Variants in BMPR1B observed in about 807,000 individuals in gnomAD.
BMPR1B encodes bone morphogenetic protein receptor type 1B.
Under a neutral mutation model 59.1 loss-of-function variants are expected in BMPR1B, and 12 were observed. The ratio of observed to expected loss-of-function variants is 0.20; its 90% CI spans 0.13 to 0.33. The LOEUF (loss-of-function observed/expected upper bound fraction) is 0.33, where lower values mean the gene tolerates loss of function less well. BMPR1B is among the 10% of genes least tolerant of loss of function. The probability of loss-of-function intolerance (pLI) is 1.00; values close to 1 mark genes in which losing one functional copy is unlikely to be tolerated. For synonymous variants in BMPR1B, 237 were observed against 207.3 expected (o/e 1.14, Z -1.23); for missense variants, 550 against 610.9 (o/e 0.90, Z 1.05).
chr4:94,988,285 C>T (rs1721535733), intron 2 of BMPR1B, among the ~76,000 whole-genome samples: 1 of 151,970 alleles, frequency 6.6e-6, no homozygotes, highest in African/African-American at 2.4e-5. Flanking sequence ...TATTATTAAA[C>T]ATGATGAGAA....
At chr4:95,005,552 C>A (rs1578913557) in intron 3 of BMPR1B, among the ~76,000 whole-genome samples, 1 of 152,050 alleles carries the variant, frequency 6.6e-6, no homozygotes, top group Non-Finnish European at 1.5e-5. Context: ...TCTGTGTTTC[C>A]CTCCTCCCCT....
chr4:94,864,868 C>A (rs1726151872), intron 1 of BMPR1B, among the ~76,000 whole-genome samples: 1 of 152,076 alleles, frequency 6.6e-6, no homozygotes, highest in Admixed American at 6.5e-5. Context: ...TTACAGAGGG[C>A]TAACAGTATG....
Position 94,881,193 on chromosome 4 carries a change from ACT to A in BMPR1B, c.-113+5296_-113+5297del, listed in dbSNP as rs1447657880. Among the ~76,000 whole-genome samples, 3 of 151,524 alleles carry A rather than the reference ACT, an allele frequency of 2.0e-5. No individual in the cohort carries two copies. In the East Asian group the frequency reaches 5.8e-4, roughly 29 times the overall value. On this transcript the variant is annotated intron_variant, in intron 2 of 12. Transcript: ENST00000515059. ...TCTGCAACTGAAACTGTACCTTCTA[ACT>A]CTGTTTTCCAGCCCTCAGTCCTTGG...
chr4:94,760,546 A>G (rs1721719482), intron 1 of BMPR1B, among the ~76,000 whole-genome samples: 1 of 152,224 alleles, frequency 6.6e-6, no homozygotes, highest in African/African-American at 2.4e-5. Context: ...CGTATTTATC[A>G]TCCAAATCTA....
At chr4:95,148,677 T>C in intron 10 of BMPR1B, 71 bp from the exon 11 acceptor site, 1 of 1,497,382 alleles carries the variant, frequency 6.7e-7, no homozygotes, top group South Asian at 1.1e-5. Context: ...AGCCATTGTT[T>C]CAGAATCACC....
intron 3 of BMPR1B, among the ~76,000 whole-genome samples, chr4:95,003,487 C>T (rs1401359661): frequency 2.0e-5 from 3 of 151,986 alleles, no homozygotes; most frequent in Non-Finnish European, 4.4e-5. Context: ...TTTAACTTGG[C>T]GTGATTCTAG....
At chr4:94,977,997 A>G (rs975587126) in intron 2 of BMPR1B, among the ~76,000 whole-genome samples, 6 of 152,206 alleles carry the variant, frequency 3.9e-5, no homozygotes, top group African/African-American at 1.4e-4. Context: ...AGTACATAAC[A>G]AGAATCTCTT....
chr4:94,787,447 A>G (rs565082147), intron 1 of BMPR1B, among the ~76,000 whole-genome samples: 3 of 152,344 alleles, frequency 2.0e-5, no homozygotes, highest in Admixed American at 6.5e-5. Flanking sequence ...CCCTGTATCC[A>G]GAGGAAAGAA....
intron 3 of BMPR1B, among the ~76,000 whole-genome samples, chr4:95,016,015 TGACA>T (rs1262324896): frequency 1.3e-5 from 2 of 152,190 alleles, no homozygotes; most frequent in African/African-American, 2.4e-5. Flanking sequence ...ATTGAAAATA[TGACA>T]GACAGACAAA....
chr4:95,040,136 AT>A (rs1578975641), intron 3 of BMPR1B, among the ~76,000 whole-genome samples: 1 of 151,972 alleles, frequency 6.6e-6, no homozygotes, highest in Admixed American at 6.6e-5. Flanking sequence ...CAAGAACAAA[AT>A]TTTTCTCTAC....
chr4:94,850,276 GAA>G (rs35845073), intron 1 of BMPR1B, among the ~76,000 whole-genome samples: 86,941 of 149,266 alleles, frequency 0.58, 26,118 homozygotes, highest in African/African-American at 0.76. Context: ...ATTTTTAAAT[GAA>G]AAAAAAAAAA....
chr4:94,825,304 A>G (rs919131528), intron 1 of BMPR1B, among the ~76,000 whole-genome samples: 2 of 151,900 alleles, frequency 1.3e-5, no homozygotes, highest in Admixed American at 6.6e-5. Context: ...GGAGTTTGAG[A>G]CCAGCCTGGG....
At chr4:94,804,590 C>CTTTTTTTTTTTTTTTTTTT (rs5860375) in intron 1 of BMPR1B, among the ~76,000 whole-genome samples, 1 of 121,568 alleles carries the variant, frequency 8.2e-6, no homozygotes, top group Non-Finnish European at 1.6e-5. Context: ...CTTTGTAATA[C>CTTTTTTTTTTTTTTTTTTT]TTTTTTTTTT....
chr4:95,122,347 A>G (rs1732593413), intron 6 of BMPR1B, among the ~76,000 whole-genome samples: 1 of 152,034 alleles, frequency 6.6e-6, no homozygotes, highest in Non-Finnish European at 1.5e-5. Context: ...AAAAAAAAAA[A>G]AAGTCATGTT....
intron 1 of BMPR1B, among the ~76,000 whole-genome samples, chr4:94,813,884 A>G (rs754331393): frequency 1.3e-5 from 2 of 152,162 alleles, no homozygotes; most frequent in Non-Finnish European, 2.9e-5. Context: ...TTTGGTCTGT[A>G]CAACTGGAAG....
At chr4:95,136,907 T>A (rs1226131467) in intron 10 of BMPR1B, among the ~76,000 whole-genome samples, 2 of 152,200 alleles carry the variant, frequency 1.3e-5, no homozygotes, top group African/African-American at 4.8e-5. Flanking sequence ...TGTCTCTACC[T>A]CCTTCAGTTC....
chr4:94,889,503 T>C (rs1727307196), intron 2 of BMPR1B, among the ~76,000 whole-genome samples: 1 of 152,070 alleles, frequency 6.6e-6, no homozygotes, highest in African/African-American at 2.4e-5. Context: ...ACTGCTGTAG[T>C]TTTAATTCTT....
intron 3 of BMPR1B, among the ~76,000 whole-genome samples, chr4:95,087,260 A>T (rs1026424904): frequency 3.9e-5 from 6 of 152,032 alleles, no homozygotes; most frequent in African/African-American, 1.4e-4. Flanking sequence ...ACTTTGTCTC[A>T]TATCCTTCTA....
chr4:95,062,271 G>A (rs1727456533), intron 3 of BMPR1B, among the ~76,000 whole-genome samples: 1 of 151,890 alleles, frequency 6.6e-6, no homozygotes, highest in Non-Finnish European at 1.5e-5. Flanking sequence ...TATGAAAAAA[G>A]CTCAGAACTG....
Sources: gnomAD v4.1 joint callset for allele counts (sites outside exome capture counted in the v4.1 genomes callset) on GRCh38, gnomAD v4.1.1 for gene constraint, MANE v1.5 for transcripts, NCBI Gene and HGNC (gene_info 2026-07-23, HGNC 2026-07-21) for gene names.